Variants in ITPR2 observed in about 807,000 individuals in gnomAD.
The protein encoded by ITPR2 is inositol 1,4,5-trisphosphate receptor type 2.
A neutral mutation model predicts 317.1 loss-of-function variants in ITPR2; 207 were observed. That is an observed-to-expected ratio of 0.65 (90% CI 0.58 to 0.73). ITPR2 has a LOEUF of 0.73. ITPR2 is among the 30% of genes least tolerant of loss of function. The pLI is 0.00. For missense variants in ITPR2, 2,613 were observed against 3,284.0 expected, an observed-to-expected ratio of 0.80 and a Z score of 4.99; for synonymous variants, 1,156 against 1,149.1, an observed-to-expected ratio of 1.01 and a Z score of -0.12.
chr12:26,492,672 T>C (rs1942835320), intron 39 of ITPR2, among the ~76,000 whole-genome samples: 1 of 152,210 alleles, frequency 6.6e-6, no homozygotes. Flanking sequence ...GTTGAAGTCA[T>C]AGACGTAGAC....
At chr12:26,574,588 A>C (rs1212981072) in intron 34 of ITPR2, among the ~76,000 whole-genome samples, 2 of 152,224 alleles carry the variant, frequency 1.3e-5, no homozygotes, top group African/African-American at 2.4e-5. Context: ...AGTTAGAATG[A>C]AATTAGACTG....
intron 55 of ITPR2, among the ~76,000 whole-genome samples, chr12:26,347,156 T>G (rs1446748675): frequency 2.0e-5 from 3 of 152,202 alleles, no homozygotes; most frequent in African/African-American, 7.2e-5. Context: ...GAATAGCTCT[T>G]ATATAATCTA....
At chr12:26,639,606 G>A (rs1255670509) in intron 21 of ITPR2, among the ~76,000 whole-genome samples, 5 of 147,674 alleles carry the variant, frequency 3.4e-5, no homozygotes, top group Admixed American at 3.4e-4. Flanking sequence ...ATCTCCTGAT[G>A]CTATCCCTCC....
At chr12:26,774,551 A>G (rs1240593361) in intron 2 of ITPR2, among the ~76,000 whole-genome samples, 1 of 152,240 alleles carries the variant, frequency 6.6e-6, no homozygotes, top group Non-Finnish European at 1.5e-5. Context: ...CACCAACAAT[A>G]TGCTAAACAC....
chr12:26,524,188 C>T (rs1482216640), intron 37 of ITPR2, among the ~76,000 whole-genome samples: 1 of 67,004 alleles, frequency 1.5e-5, no homozygotes, highest in East Asian at 3.2e-4. Flanking sequence ...ACGAATAAGG[C>T]TATCTAATAG....
At chr12:26,459,637 T>C (rs963791348) in intron 45 of ITPR2, among the ~76,000 whole-genome samples, 1 of 152,194 alleles carries the variant, frequency 6.6e-6, no homozygotes, top group African/African-American at 2.4e-5. Context: ...TTCCCTCAAT[T>C]TTCTGTGGGT....
Position 26,541,551 on chromosome 12 carries a change from T to G in ITPR2, c.5073+8696A>C, listed in dbSNP as rs547460981. On this transcript the variant is annotated intron_variant, in intron 37 of 56. Coordinates refer to ENST00000381340, the MANE Select transcript of ITPR2 (RefSeq NM_002223.4). ...TCTCTCAGCAAAAGTTATTATCCAA[T>G]TTTTAAGCTACAATGCAGTCTATGT... Among the ~76,000 whole-genome samples, 23 of 152,358 alleles carry G rather than the reference T, an allele frequency of 1.5e-4. No individual in the cohort carries two copies. The South Asian group carries it at 4.3e-3, about 29-fold the overall frequency.
At chr12:26,582,821 T>C (rs990659246) in intron 32 of ITPR2, among the ~76,000 whole-genome samples, 11 of 152,220 alleles carry the variant, frequency 7.2e-5, no homozygotes, top group Non-Finnish European at 2.9e-5. Flanking sequence ...TGGTCCCTTA[T>C]TACCACCAAA....
At chr12:26,740,659 T>C (rs1349797540) in intron 2 of ITPR2, among the ~76,000 whole-genome samples, 1 of 152,192 alleles carries the variant, frequency 6.6e-6, no homozygotes, top group Non-Finnish European at 1.5e-5. Context: ...CGGAAATGGA[T>C]GTTGTGGAGG....
At chr12:26,812,658 A>G (rs1950777380) in intron 1 of ITPR2, among the ~76,000 whole-genome samples, 1 of 152,232 alleles carries the variant, frequency 6.6e-6, no homozygotes, top group South Asian at 2.1e-4. Flanking sequence ...CAGATACTCA[A>G]ACAGGTATAA....
chr12:26,607,690 C>T (rs998191218), intron 26 of ITPR2, among the ~76,000 whole-genome samples: 2 of 152,178 alleles, frequency 1.3e-5, no homozygotes, highest in African/African-American at 2.4e-5. Context: ...CAGATGTTTC[C>T]TCAAGTCAGG....
intron 5 of ITPR2, among the ~76,000 whole-genome samples, 170 bp from the exon 6 acceptor site, chr12:26,716,412 C>A (rs1467564905): frequency 5.3e-5 from 8 of 152,086 alleles, no homozygotes; most frequent in Non-Finnish European, 5.9e-5. Flanking sequence ...AAAATATCTT[C>A]TAATAAATGA....
intron 54 of ITPR2, among the ~76,000 whole-genome samples, chr12:26,395,592 G>A (rs201282086): frequency 6.6e-6 from 1 of 151,814 alleles, no homozygotes; most frequent in Non-Finnish European, 1.5e-5. Flanking sequence ...TTATGACCGT[G>A]AAAAAAAGGG....
intron 1 of ITPR2, among the ~76,000 whole-genome samples, chr12:26,817,163 A>C (rs749848411): frequency 1.4e-4 from 20 of 139,096 alleles, no homozygotes; most frequent in Middle Eastern, 7.1e-3. Context: ...CCTGGGCGAC[A>C]GACCGAGAGT....
At chr12:26,341,186 A>G (rs572495230) in intron 55 of ITPR2, among the ~76,000 whole-genome samples, 1 of 152,198 alleles carries the variant, frequency 6.6e-6, no homozygotes, top group East Asian at 1.9e-4. Context: ...TCTAAGTTTC[A>G]TTACTCTTGT....
chr12:26,509,002 T>A (rs181275784), intron 37 of ITPR2, among the ~76,000 whole-genome samples: 1 of 152,340 alleles, frequency 6.6e-6, no homozygotes, highest in East Asian at 1.9e-4. Flanking sequence ...CACCAAATGA[T>A]GACTGGATAA....
rs150764024 is a variant in ITPR2 at position 26,552,191 on chromosome 12, T to C, written c.4965-1836A>G. On this transcript the variant is annotated intron_variant, in intron 36 of 56. Coordinates refer to ENST00000381340, the MANE Select transcript of ITPR2 (RefSeq NM_002223.4). The stretch of plus-strand genomic sequence containing the variant: ...GGCTAATGTGTGGATGGTGATCAGT[T>C]TTTTTTTAATTTATTTAATGAGACA... Among the ~76,000 whole-genome samples, 396 of 151,972 alleles carry C rather than the reference T, an allele frequency of 2.6e-3. 1 individual carries two copies. Among genetic ancestry groups the C allele is most frequent in the Non-Finnish European group, 4.5e-3 (307 of 67,958 alleles).
At chr12:26,815,212 T>A (rs1950830474) in intron 1 of ITPR2, among the ~76,000 whole-genome samples, 1 of 151,936 alleles carries the variant, frequency 6.6e-6, no homozygotes, top group Non-Finnish European at 1.5e-5. Context: ...ACGCCTCTAG[T>A]CCCCAGCTAC....
In ITPR2 at chr12:26,478,630, C is replaced by T. The variant is rs79049631; in HGVS notation, c.6124-1623G>A. Among the ~76,000 whole-genome samples the T allele has an allele frequency of 3.3e-5, 5 of 152,062 alleles. No individual in the cohort carries two copies. In the East Asian group the frequency reaches 5.8e-4, roughly 18 times the overall value. ...GTCAGAAGAATAGAAATCTTATAAACGGCCTAATGAAATATGAATTGAATT... is the reference window on the plus strand; with the variant it reads ...GTCAGAAGAATAGAAATCTTATAAATGGCCTAATGAAATATGAATTGAATT... On this transcript the variant is annotated intron_variant, in intron 43 of 56. Coordinates refer to ENST00000381340, the MANE Select transcript of ITPR2 (RefSeq NM_002223.4).
Sources: allele counts gnomAD v4.1 joint callset (sites outside exome capture counted in the v4.1 genomes callset), GRCh38; gene constraint gnomAD v4.1.1; transcripts MANE v1.5; gene names NCBI Gene and HGNC (gene_info 2026-07-23, HGNC 2026-07-21).